The following AGBL4 variants were observed in gnomAD, a reference collection of about 807,000 sequenced individuals.
AGBL4 encodes the protein AGBL carboxypeptidase 4.
A neutral mutation model predicts 66.4 loss-of-function variants in AGBL4; 58 were observed. That is an observed-to-expected ratio of 0.87 (90% CI 0.71 to 1.09). AGBL4 has a LOEUF of 1.09. AGBL4 is among the 50% of genes least tolerant of loss of function. The pLI, the probability that AGBL4 is intolerant of heterozygous loss-of-function variation, is 0.00. For missense variants in AGBL4, 579 were observed against 631.0 expected, an observed-to-expected ratio of 0.92 and a Z score of 0.88; for synonymous variants, 234 against 222.9, an observed-to-expected ratio of 1.05 and a Z score of -0.44.
chr1:49,164,570 T>A lies in AGBL4; in HGVS notation c.377+81200A>T, dbSNP rs183845926. ...CAAAGGTTCAGAGCTCTAGTTCTTGTGAGCTGCTTTGCAATCTTACCTTCT... is the reference window on the plus strand; with the variant it reads ...CAAAGGTTCAGAGCTCTAGTTCTTGAGAGCTGCTTTGCAATCTTACCTTCT... On this transcript the variant is annotated intron_variant, in intron 4 of 13. Transcript: ENST00000371839. Among the ~76,000 whole-genome samples the A allele has an allele frequency of 4.3e-4, 66 of 152,292 alleles. 1 individual carries two copies. Among genetic ancestry groups the A allele is most frequent in the African/African-American group, 1.5e-3 (61 of 41,580 alleles).
chr1:49,292,681 TG>T (rs1644565522), intron 3 of AGBL4, among the ~76,000 whole-genome samples: 1 of 152,004 alleles, frequency 6.6e-6, no homozygotes, highest in African/African-American at 2.4e-5. Context: ...TACTGAAAGC[TG>T]CAGACATCAG....
intron 1 of AGBL4, among the ~76,000 whole-genome samples, chr1:49,953,483 A>G (rs1179119472): frequency 1.3e-5 from 2 of 151,960 alleles, no homozygotes; most frequent in East Asian, 3.9e-4. Flanking sequence ...CTTTAGTAGA[A>G]ATTTTATTTT....
At chr1:49,764,383 A>C (rs559613451) in intron 2 of AGBL4, among the ~76,000 whole-genome samples, 93 of 151,830 alleles carry the variant, frequency 6.1e-4, no homozygotes, top group African/African-American at 1.8e-3. Flanking sequence ...TGAAAACCAA[A>C]CCCCCACAGG....
In AGBL4 at chr1:49,587,272, AAAAAGAAAAG is replaced by A. The variant is rs370323255; in HGVS notation, c.282+110031_282+110040del. On this transcript the variant is annotated intron_variant, in intron 3 of 13. Transcript: ENST00000371839. Reference sequence around the variant, plus strand: ...AAAACAGAAGAAAAGAAAGAAAAGAAAAAAGAAAAGAAAAGAAAAGAAAAAGAAAAGAGAA... The same window carrying A: ...AAAACAGAAGAAAAGAAAGAAAAGAAAAAAGAAAAGAAAAAGAAAAGAGAA... Among the ~76,000 whole-genome samples the A allele has an allele frequency of 1.9e-3, 285 of 152,140 alleles. 2 individuals are homozygous for A. Among genetic ancestry groups the A allele is most frequent in the African/African-American group, 6.4e-3 (266 of 41,538 alleles).
intron 6 of AGBL4, among the ~76,000 whole-genome samples, chr1:48,769,022 C>A (rs1179108807): frequency 6.6e-6 from 1 of 152,158 alleles, no homozygotes; most frequent in East Asian, 1.9e-4. Flanking sequence ...CAAATCGAGG[C>A]CTGCCTCTCT....
chr1:48,660,727 A>G (rs888793632), intron 7 of AGBL4, among the ~76,000 whole-genome samples: 1 of 152,236 alleles, frequency 6.6e-6, no homozygotes. Context: ...GATGGACTCC[A>G]GAACCACACT....
At chr1:48,702,054 G>T (rs1646810647) in intron 6 of AGBL4, among the ~76,000 whole-genome samples, 1 of 152,140 alleles carries the variant, frequency 6.6e-6, no homozygotes, top group Non-Finnish European at 1.5e-5. Context: ...ATTTGGGGGT[G>T]GGTAATTTCA....
intron 5 of AGBL4, among the ~76,000 whole-genome samples, chr1:48,879,814 T>C (rs1467949142): frequency 1.3e-5 from 2 of 152,188 alleles, no homozygotes; most frequent in African/African-American, 4.8e-5. Context: ...GGAGCTCAGA[T>C]TAAAACTGAG....
At chr1:48,885,657 A>G (rs1465016820) in intron 5 of AGBL4, among the ~76,000 whole-genome samples, 1 of 152,160 alleles carries the variant, frequency 6.6e-6, no homozygotes. Flanking sequence ...TTGACCTATC[A>G]TGGCATTTTT....
At chr1:49,006,319 G>C (rs1180986695) in intron 5 of AGBL4, among the ~76,000 whole-genome samples, 2 of 152,162 alleles carry the variant, frequency 1.3e-5, no homozygotes, top group East Asian at 3.9e-4. Context: ...CTTTTCCAAC[G>C]GGCTTAAAAA....
In AGBL4 at chr1:49,337,516, T is replaced by C. The variant is rs149213269; in HGVS notation, c.283-91652A>G. On this transcript the variant is annotated intron_variant, in intron 3 of 13. Coordinates refer to ENST00000371839, the MANE Select transcript of AGBL4 (RefSeq NM_032785.4). ...CAGTTAACAGATGGGAATCTTGCTCTTGGAGCACTTTGGGGCAGGACACAG... is the reference window on the plus strand; with the variant it reads ...CAGTTAACAGATGGGAATCTTGCTCCTGGAGCACTTTGGGGCAGGACACAG... Among the ~76,000 whole-genome samples, 50 of 152,288 alleles carry C rather than the reference T, an allele frequency of 3.3e-4. 1 individual carries two copies. The East Asian group carries it at 9.5e-3, about 29-fold the overall frequency.
intron 4 of AGBL4, among the ~76,000 whole-genome samples, chr1:49,099,926 C>T (rs1645170668): frequency 6.6e-6 from 1 of 152,176 alleles, no homozygotes. Flanking sequence ...AATATATGCA[C>T]ACAAGCATTC....
chr1:49,857,630 G>A (rs1164234320), intron 1 of AGBL4, among the ~76,000 whole-genome samples: 1 of 152,088 alleles, frequency 6.6e-6, no homozygotes, highest in Non-Finnish European at 1.5e-5. Flanking sequence ...CTGGGGAAAG[G>A]ACAGTCTCTT....
At chr1:49,166,025 T>TA (rs1361085000) in intron 4 of AGBL4, among the ~76,000 whole-genome samples, 1 of 152,086 alleles carries the variant, frequency 6.6e-6, no homozygotes, top group African/African-American at 2.4e-5. Context: ...AAACAACAGC[T>TA]AGCTAACAAG....
At position 48,886,613 on chromosome 1, in the gene AGBL4, C is replaced by T. The variant is rs556914388; in HGVS notation, c.595-19383G>A. On this transcript the variant is annotated intron_variant, in intron 5 of 13. Coordinates refer to ENST00000371839, the MANE Select transcript of AGBL4 (RefSeq NM_032785.4). Reference sequence around the variant, plus strand: ...TGTTGCCCAAGCTGGAGTGCAGTGGCGCTATCTCCACTCACTGCAAGCTCT... The same window carrying T: ...TGTTGCCCAAGCTGGAGTGCAGTGGTGCTATCTCCACTCACTGCAAGCTCT... Among the ~76,000 whole-genome samples, 7 of 152,106 alleles carry T rather than the reference C, an allele frequency of 4.6e-5. No homozygotes were observed. In the South Asian group the frequency reaches 6.2e-4, roughly 14 times the overall value.
intron 3 of AGBL4, among the ~76,000 whole-genome samples, chr1:49,346,543 C>A (rs1161027205): frequency 2.0e-5 from 3 of 152,156 alleles, no homozygotes; most frequent in Non-Finnish European, 2.9e-5. Flanking sequence ...TACAGGAATG[C>A]AGGATAAGCT....
chr1:48,739,790 T>G (rs796882807), intron 6 of AGBL4, among the ~76,000 whole-genome samples: 19 of 152,350 alleles, frequency 1.2e-4, no homozygotes, highest in African/African-American at 4.6e-4. Context: ...GCCATTCTCT[T>G]GTCCAGGAAT....
At chr1:49,137,409 C>T (rs1646032668) in intron 4 of AGBL4, among the ~76,000 whole-genome samples, 1 of 152,062 alleles carries the variant, frequency 6.6e-6, no homozygotes, top group African/African-American at 2.4e-5. Flanking sequence ...AGGAAGAATC[C>T]TTACAGGGGA....
chr1:49,605,845 C>T (rs1425535533), intron 3 of AGBL4, among the ~76,000 whole-genome samples: 3 of 151,884 alleles, frequency 2.0e-5, no homozygotes, highest in African/African-American at 7.3e-5. Flanking sequence ...AACTGGATTT[C>T]CCTGTTGTGT....
Sources: allele counts gnomAD v4.1 joint callset (sites outside exome capture counted in the v4.1 genomes callset), GRCh38; gene constraint gnomAD v4.1.1; transcripts MANE v1.5; gene names NCBI Gene and HGNC (gene_info 2026-07-23, HGNC 2026-07-21).